The following MIB1 variants were observed in gnomAD, a reference collection of about 807,000 sequenced individuals.
MIB1 encodes the protein E3 ubiquitin-protein ligase MIB1.
Under a neutral mutation model 124.5 loss-of-function variants are expected in MIB1, and 278 were observed. The observed-to-expected ratio is 2.23, with a 90% CI of 2.02 to 2.47. The LOEUF is 2.47. Ranked by LOEUF, MIB1 falls within the 30% of genes most tolerant of loss-of-function variation. The pLI is 0.00. For synonymous variants in MIB1, 446 were observed against 429.4 expected (o/e 1.04, Z -0.48); for missense variants, 957 against 1,254.4 (o/e 0.76, Z 3.58).
intron 2 of MIB1, among the ~76,000 whole-genome samples, chr18:21,766,525 A>C (rs938552026): frequency 6.6e-6 from 1 of 152,156 alleles, no homozygotes; most frequent in South Asian, 2.1e-4. Flanking sequence ...AGTTTTAGGT[A>C]ATGGGATCTT....
At chr18:21,804,164 A>C (rs909519007) in intron 10 of MIB1, 150 bp downstream of exon 10, 4 of 626,788 alleles carry the variant, frequency 6.4e-6, no homozygotes, top group Non-Finnish European at 1.1e-5. Flanking sequence ...AGGCAACTTG[A>C]AACAGTTCTT....
At chr18:21,845,392 C>T (rs2042126534) in intron 15 of MIB1, among the ~76,000 whole-genome samples, 1 of 152,120 alleles carries the variant, frequency 6.6e-6, no homozygotes, top group African/African-American at 2.4e-5. Context: ...TTTCTTTCAT[C>T]ATTTGTGTTT....
At chr18:21,802,723 A>G (rs551596956) in intron 9 of MIB1, among the ~76,000 whole-genome samples, 4 of 152,226 alleles carry the variant, frequency 2.6e-5, no homozygotes, top group African/African-American at 7.2e-5. Context: ...CAAATCTCCA[A>G]TCCTTGGTTG....
chr18:21,787,827 C>T (rs998734857), intron 6 of MIB1, among the ~76,000 whole-genome samples: 3 of 148,768 alleles, frequency 2.0e-5, no homozygotes, highest in Non-Finnish European at 3.0e-5. Flanking sequence ...GAGATTTTGG[C>T]GTTGCCACAG....
chr18:21,806,264 G>A (rs937421723), intron 10 of MIB1, among the ~76,000 whole-genome samples: 7 of 150,944 alleles, frequency 4.6e-5, no homozygotes, highest in Non-Finnish European at 1.0e-4. Flanking sequence ...GCAGTGGCAT[G>A]ATTATGGCTC....
chr18:21,719,447 T>A (rs547315485), intron 1 of MIB1, among the ~76,000 whole-genome samples: 94 of 152,086 alleles, frequency 6.2e-4, no homozygotes, highest in Non-Finnish European at 1.1e-3. Flanking sequence ...AAACAGAGTT[T>A]AAAAAAAATT....
chr18:21,714,401 G>A (rs1201219549), intron 1 of MIB1, among the ~76,000 whole-genome samples: 1 of 151,648 alleles, frequency 6.6e-6, no homozygotes, highest in African/African-American at 2.4e-5. Flanking sequence ...GTGTGAAATA[G>A]GTGGATCCAC....
intron 12 of MIB1, among the ~76,000 whole-genome samples, chr18:21,823,987 A>T (rs1385707054): frequency 1.3e-5 from 2 of 152,178 alleles, no homozygotes; most frequent in African/African-American, 4.8e-5. Context: ...TTCTGTAAAG[A>T]TGCTGCATTT....
At chr18:21,768,181 A>C (rs191049502) in intron 2 of MIB1, among the ~76,000 whole-genome samples, 2 of 152,220 alleles carry the variant, frequency 1.3e-5, no homozygotes, top group Non-Finnish European at 2.9e-5. Flanking sequence ...CATCTCTACA[A>C]TAGTGAAGAG....
chr18:21,732,359 C>T (rs887056864), intron 1 of MIB1, among the ~76,000 whole-genome samples: 11 of 133,454 alleles, frequency 8.2e-5, no homozygotes, highest in African/African-American at 3.6e-4. Context: ...TATACACACA[C>T]ACACACACAC....
intron 4 of MIB1, among the ~76,000 whole-genome samples, chr18:21,775,856 A>G (rs2041279068): frequency 3.3e-5 from 5 of 152,118 alleles, no homozygotes; most frequent in East Asian, 1.9e-4. Context: ...TGTTTCCCCT[A>G]CTGCTTCAAG....
At chr18:21,788,248 A>G (rs1453427472) in intron 6 of MIB1, among the ~76,000 whole-genome samples, 1 of 152,230 alleles carries the variant, frequency 6.6e-6, no homozygotes, top group Non-Finnish European at 1.5e-5. Flanking sequence ...CATGTACATA[A>G]AGAAACTAAT....
At chr18:21,718,764 C>T (rs1004092365) in intron 1 of MIB1, among the ~76,000 whole-genome samples, 1 of 152,190 alleles carries the variant, frequency 6.6e-6, no homozygotes, top group Non-Finnish European at 1.5e-5. Context: ...TGTTAGTAGA[C>T]AAAGGACCAT....
chr18:21,862,895 G>C lies in MIB1; in HGVS notation c.2881-1631G>C, dbSNP rs529867550. Among the ~76,000 whole-genome samples, 14 of 152,300 alleles carry C rather than the reference G, an allele frequency of 9.2e-5. No individual in the cohort carries two copies. In the South Asian group the frequency reaches 2.7e-3, roughly 29 times the overall value. On this transcript the variant is annotated intron_variant, in intron 20 of 20. Coordinates refer to ENST00000261537, the MANE Select transcript of MIB1 (RefSeq NM_020774.4). ...GCCTTCTTTTTATGCAAGAGCAGCT[G>C]AGTACCTAGATTCAGGGAATTTCAG... is the stretch of plus-strand genomic sequence containing the variant.
chr18:21,867,700 AT>A lies in MIB1; in HGVS notation c.*3038del, dbSNP rs1291675357. ...TTTTATGGTGTTAGCCTGTAAGAGC[AT>A]TTTAGCATATTGAAATGCATGCTGC... On this transcript the variant is annotated 3_prime_UTR_variant, in exon 21 of 21. Transcript: ENST00000261537. 2.0e-5 allele frequency: 3 copies of A among 152,724 alleles called. No homozygotes were observed. The highest frequency in any genetic ancestry group is 7.2e-5 in the African/African-American group (3 of 41,586). 9.5% of individuals were successfully genotyped at this position (152,724 alleles called of 1,614,324 possible).
chr18:21,837,038 A>T (rs1263853614), intron 12 of MIB1, among the ~76,000 whole-genome samples: 1 of 152,212 alleles, frequency 6.6e-6, no homozygotes, highest in East Asian at 1.9e-4. Context: ...TTGTAGACTC[A>T]CCCAAAATTG....
Position 21,773,664 on chromosome 18 carries a change from G to A in MIB1, c.572G>A (p.Ser191Asn), listed in dbSNP as rs2041247769. ...GACTGGAGTGCATCAAGCCCACATA[G>A]CGCAGCATATGTCCTCTGGGATAAT... ...IQDWSASSPH[S>N]AAYVLWDNGA... The change falls in exon 4 of 21, where the codon AGC becomes AAC. Residue 191 changes from serine (S) to asparagine (N), a missense_variant. Transcript: ENST00000261537. 6.2e-7 allele frequency: 1 copy of A among 1,609,706 alleles called. No homozygotes were observed. Among genetic ancestry groups the A allele is most frequent in the Non-Finnish European group, 8.5e-7 (1 of 1,178,218 alleles).
At chr18:21,781,738 A>G (rs570903024) in intron 6 of MIB1, among the ~76,000 whole-genome samples, 1 of 152,044 alleles carries the variant, frequency 6.6e-6, no homozygotes, top group Admixed American at 6.6e-5. Flanking sequence ...TCATGTCTCA[A>G]TCTTGGTAGG....
chr18:21,760,070 CG>C (rs1288428327), intron 1 of MIB1, among the ~76,000 whole-genome samples: 1 of 151,884 alleles, frequency 6.6e-6, no homozygotes, highest in Non-Finnish European at 1.5e-5. Flanking sequence ...CATTTAACGG[CG>C]GCAGATGTCT....
Sources: gnomAD v4.1 joint callset for allele counts (sites outside exome capture counted in the v4.1 genomes callset) on GRCh38, gnomAD v4.1.1 for gene constraint, MANE v1.5 for transcripts, NCBI Gene and HGNC (gene_info 2026-07-23, HGNC 2026-07-21) for gene names.